LRFN2: variants seen among roughly 807,000 people sequenced by gnomAD.
The protein encoded by LRFN2 is leucine-rich repeat and fibronectin type-III domain-containing protein 2.
Under a neutral mutation model 37.3 loss-of-function variants are expected in LRFN2, and 18 were observed. The observed-to-expected ratio is 0.48, with a 90% CI of 0.33 to 0.72. LRFN2 has a LOEUF of 0.72. Among genes scored for constraint, LRFN2 ranks in the 30% least tolerant of loss-of-function variants. The pLI is 0.02. For synonymous variants in LRFN2, 556 were observed against 466.6 expected (o/e 1.19, Z -2.47); for missense variants, 1,006 against 1,060.7 (o/e 0.95, Z 0.72).
At chr6:40,414,745 C>T (rs545677143) in intron 2 of LRFN2, among the ~76,000 whole-genome samples, 1 of 152,340 alleles carries the variant, frequency 6.6e-6, no homozygotes, top group East Asian at 1.9e-4. Flanking sequence ...TTGGCCCCCC[C>T]AGGCGGGGTC....
chr6:40,461,584 C>G lies in LRFN2; in HGVS notation c.-18-28453G>C, dbSNP rs549937894. ...CAAATCCCCAGCCACCCCCCTCCCCCCGACAAAAAAAAAAAACCCTCCCTT... is the reference window on the plus strand; with the variant it reads ...CAAATCCCCAGCCACCCCCCTCCCCGCGACAAAAAAAAAAAACCCTCCCTT... On this transcript the variant is annotated intron_variant, in intron 1 of 2. Transcript: ENST00000338305. Among the ~76,000 whole-genome samples, 535 of 142,058 alleles carry G rather than the reference C, an allele frequency of 3.8e-3. 10 individuals are homozygous for G. The highest frequency in any genetic ancestry group is 0.021 in the Admixed American group (296 of 13,800). 93.2% of individuals were successfully genotyped at this position (142,058 alleles called of 152,430 possible). A position where few individuals can be genotyped will look rare whatever the true frequency, so the allele number is the denominator to read the frequency against.
intron 1 of LRFN2, among the ~76,000 whole-genome samples, chr6:40,572,495 A>C (rs919762723): frequency 6.6e-6 from 1 of 152,152 alleles, no homozygotes; most frequent in Non-Finnish European, 1.5e-5. Flanking sequence ...TAAAGAGAAA[A>C]AGTACCTTAC....
At chr6:40,406,107 T>C (rs2504846) in intron 2 of LRFN2, among the ~76,000 whole-genome samples, 143,590 of 152,234 alleles carry the variant, frequency 0.94, 67,876 homozygotes, top group Middle Eastern at 0.98. Context: ...ACCACCGGGG[T>C]TCAAGCCCCA....
chr6:40,461,718 G>A (rs1349880793), intron 1 of LRFN2, among the ~76,000 whole-genome samples: 2 of 152,020 alleles, frequency 1.3e-5, no homozygotes, highest in Non-Finnish European at 2.9e-5. Context: ...AGTAGGAGAG[G>A]CGAGGGAGAT....
intron 1 of LRFN2, chr6:40,523,724 A>G (rs1766158613): frequency 6.6e-6 from 1 of 152,166 alleles, no homozygotes; most frequent in Non-Finnish European, 1.5e-5. Context: ...GAAGCTTGCT[A>G]TGAAAGTTTA....
chr6:40,395,232 G>T (rs945362093), intron 2 of LRFN2, among the ~76,000 whole-genome samples: 1 of 152,180 alleles, frequency 6.6e-6, no homozygotes, highest in South Asian at 2.1e-4. Context: ...CTCAGAGAGG[G>T]TAAGTGATCT....
At chr6:40,584,017 G>A (rs1002730211) in intron 1 of LRFN2, among the ~76,000 whole-genome samples, 16 of 152,218 alleles carry the variant, frequency 1.1e-4, no homozygotes, top group Non-Finnish European at 8.8e-5. Flanking sequence ...GAAAGGGAGG[G>A]AAGCAGGTGC....
intron 2 of LRFN2, among the ~76,000 whole-genome samples, chr6:40,407,383 G>A (rs991128328): frequency 6.6e-6 from 1 of 152,242 alleles, no homozygotes. Context: ...ATGTGTGACT[G>A]TAGACCATGT....
At chr6:40,474,219 A>G (rs1046772297) in intron 1 of LRFN2, among the ~76,000 whole-genome samples, 2 of 152,192 alleles carry the variant, frequency 1.3e-5, no homozygotes, top group African/African-American at 4.8e-5. Context: ...TTACCCTCTC[A>G]TAGTCTGGAG....
chr6:40,487,222 G>T (rs1008473566), intron 1 of LRFN2, among the ~76,000 whole-genome samples: 1 of 152,170 alleles, frequency 6.6e-6, no homozygotes, highest in Non-Finnish European at 1.5e-5. Flanking sequence ...AAGTTGAATT[G>T]CTTCTGGCCC....
At chr6:40,476,240 T>C (rs1199543427) in intron 1 of LRFN2, among the ~76,000 whole-genome samples, 3 of 152,254 alleles carry the variant, frequency 2.0e-5, no homozygotes, top group East Asian at 1.9e-4. Context: ...CCCACATTTA[T>C]TGAAGTTATC....
At chr6:40,573,277 G>C (rs1332557907) in intron 1 of LRFN2, among the ~76,000 whole-genome samples, 1 of 152,194 alleles carries the variant, frequency 6.6e-6, no homozygotes, top group Non-Finnish European at 1.5e-5. Context: ...TACAGTTGGG[G>C]GGAATTTGGA....
chr6:40,537,242 T>C (rs776880301), intron 1 of LRFN2, among the ~76,000 whole-genome samples: 1 of 152,134 alleles, frequency 6.6e-6, no homozygotes, highest in Non-Finnish European at 1.5e-5. Flanking sequence ...GTAAGGCCCA[T>C]GGGGGCAGGA....
At chr6:40,488,693 C>T (rs1191584066) in intron 1 of LRFN2, among the ~76,000 whole-genome samples, 1 of 152,166 alleles carries the variant, frequency 6.6e-6, no homozygotes, top group Non-Finnish European at 1.5e-5. Flanking sequence ...ATGATCCCTA[C>T]AACCTTTAGA....
At chr6:40,566,340 T>A (rs2113791726) in intron 1 of LRFN2, among the ~76,000 whole-genome samples, 1 of 152,328 alleles carries the variant, frequency 6.6e-6, no homozygotes, top group East Asian at 1.9e-4. Context: ...TCCTCAGGGA[T>A]CTGGAACTAG....
chr6:40,396,697 T>C (rs1762621703), intron 2 of LRFN2, among the ~76,000 whole-genome samples: 2 of 79,108 alleles, frequency 2.5e-5, no homozygotes, highest in Admixed American at 1.6e-4. Flanking sequence ...TGTGTGTGTG[T>C]GTGTGTGTGT....
intron 1 of LRFN2, among the ~76,000 whole-genome samples, chr6:40,499,607 C>T (rs966791503): frequency 1.8e-4 from 27 of 152,208 alleles, no homozygotes; most frequent in Non-Finnish European, 2.2e-4. Context: ...GCAATGTGTT[C>T]GTGGTTTCTC....
At chr6:40,420,374 T>C (rs1763196486) in intron 2 of LRFN2, among the ~76,000 whole-genome samples, 1 of 152,210 alleles carries the variant, frequency 6.6e-6, no homozygotes, top group Non-Finnish European at 1.5e-5. Flanking sequence ...TGCCAGACCA[T>C]AGGCCTAATT....
intron 1 of LRFN2, among the ~76,000 whole-genome samples, chr6:40,525,548 T>A (rs183180799): frequency 6.6e-6 from 1 of 152,292 alleles, no homozygotes; most frequent in East Asian, 1.9e-4. Context: ...AATCTCTCAA[T>A]CTACTTGTTA....
Sources: allele counts gnomAD v4.1 joint callset (sites outside exome capture counted in the v4.1 genomes callset), GRCh38; gene constraint gnomAD v4.1.1; transcripts MANE v1.5; gene names NCBI Gene and HGNC (gene_info 2026-07-23, HGNC 2026-07-21).